EXOC6B: variants seen among roughly 807,000 people sequenced by gnomAD.
EXOC6B encodes the protein exocyst complex component 6B.
A neutral mutation model predicts 113.5 loss-of-function variants in EXOC6B; 54 were observed. The observed-to-expected ratio is 0.48, with a 90% CI of 0.38 to 0.60. The LOEUF (loss-of-function observed/expected upper bound fraction) is 0.60, where lower values mean the gene tolerates loss of function less well. Among genes scored for constraint, EXOC6B ranks in the 20% least tolerant of loss-of-function variants. EXOC6B has a pLI of 0.00. For synonymous variants in EXOC6B, 357 were observed against 339.0 expected, an observed-to-expected ratio of 1.05 and a Z score of -0.58; for missense variants, 797 against 977.5, an observed-to-expected ratio of 0.82 and a Z score of 2.46.
intron 6 of EXOC6B, among the ~76,000 whole-genome samples, chr2:72,629,855 G>A (rs565424507): frequency 1.2e-4 from 19 of 152,156 alleles, no homozygotes; most frequent in African/African-American, 4.6e-4. Context: ...CCCACAACAT[G>A]CCATCCCCAG....
At chr2:72,426,083 A>C (rs2105280594) in intron 18 of EXOC6B, among the ~76,000 whole-genome samples, 1 of 152,294 alleles carries the variant, frequency 6.6e-6, no homozygotes, top group South Asian at 2.1e-4. Flanking sequence ...TAACATTTCC[A>C]AGTAGTTTTT....
At chr2:72,448,885 A>T (rs566695046) in intron 18 of EXOC6B, among the ~76,000 whole-genome samples, 1 of 152,308 alleles carries the variant, frequency 6.6e-6, no homozygotes, top group Admixed American at 6.5e-5. Context: ...TCACTGTTGC[A>T]TCTGGGAAGA....
At chr2:72,524,455 A>G (rs917809472) in intron 8 of EXOC6B, among the ~76,000 whole-genome samples, 2 of 152,194 alleles carry the variant, frequency 1.3e-5, no homozygotes, top group African/African-American at 4.8e-5. Flanking sequence ...TTCAAGAGTC[A>G]TGATGGTATG....
chr2:72,395,891 AATAG>A (rs769161718), intron 18 of EXOC6B, among the ~76,000 whole-genome samples: 5 of 152,136 alleles, frequency 3.3e-5, no homozygotes, highest in Non-Finnish European at 5.9e-5. Context: ...CTCAATGAAT[AATAG>A]ATACCTTATT....
At chr2:72,775,385 T>C (rs907343140) in intron 1 of EXOC6B, among the ~76,000 whole-genome samples, 2 of 152,214 alleles carry the variant, frequency 1.3e-5, no homozygotes, top group African/African-American at 4.8e-5. Flanking sequence ...GAGCTTCTTA[T>C]GAATAACAAA....
rs4586652 is a variant in EXOC6B, at chr2:72,299,629, G to A, written c.2196+35318C>T. Among the ~76,000 whole-genome samples, 308 of 152,220 alleles carry A rather than the reference G, an allele frequency of 2.0e-3. 1 individual carries two copies. The highest frequency in any genetic ancestry group is 5.9e-3 in the Admixed American group (91 of 15,300). On this transcript the variant is annotated intron_variant, in intron 20 of 21. Transcript: ENST00000272427. ...AGGAGAAGAGGTGTTCTGGTTTTTG[G>A]AATATTCAGCCTTTTTGCGCTGGTT...
intron 19 of EXOC6B, among the ~76,000 whole-genome samples, chr2:72,359,499 G>A (rs1282787249): frequency 6.6e-6 from 1 of 151,940 alleles, no homozygotes; most frequent in Non-Finnish European, 1.5e-5. Flanking sequence ...CAGAACTATA[G>A]GAAATAAATT....
chr2:72,677,469 C>T (rs1475721378), intron 6 of EXOC6B, among the ~76,000 whole-genome samples: 1 of 152,100 alleles, frequency 6.6e-6, no homozygotes, highest in Non-Finnish European at 1.5e-5. Context: ...ATCCTTTCCT[C>T]CCCCTCCCCA....
intron 20 of EXOC6B, among the ~76,000 whole-genome samples, chr2:72,227,981 G>A (rs1228363040): frequency 6.6e-6 from 1 of 152,142 alleles, no homozygotes; most frequent in Non-Finnish European, 1.5e-5. Context: ...AAGATAAAAT[G>A]ATATGAAAGG....
rs1222437094 is a variant in EXOC6B at position 72,710,281 on chromosome 2, C to G, written c.669+7822G>C. The stretch of plus-strand genomic sequence containing the variant: ...ATTTAAGGAATAAATTATTTCTCTT[C>G]TCTCACCCCAACTCAATATCAGTAA... On this transcript the variant is annotated intron_variant, in intron 6 of 21. Transcript: ENST00000272427. Among the ~76,000 whole-genome samples, 3 of 152,064 alleles carry G rather than the reference C, an allele frequency of 2.0e-5. No homozygotes were observed. The East Asian group carries it at 5.8e-4, about 29-fold the overall frequency.
chr2:72,786,244 A>C (rs1368752021), intron 1 of EXOC6B, among the ~76,000 whole-genome samples: 11 of 152,250 alleles, frequency 7.2e-5, no homozygotes, highest in Admixed American at 7.2e-4. Flanking sequence ...AAGAAATACA[A>C]AGAAATTATA....
At chr2:72,251,745 T>C (rs1339938685) in intron 20 of EXOC6B, among the ~76,000 whole-genome samples, 1 of 152,206 alleles carries the variant, frequency 6.6e-6, no homozygotes, top group East Asian at 1.9e-4. Context: ...GGTTCTGCCC[T>C]TTTGGAACTT....
chr2:72,241,094 T>C (rs1221065931), intron 20 of EXOC6B, among the ~76,000 whole-genome samples: 2 of 152,124 alleles, frequency 1.3e-5, no homozygotes, highest in African/African-American at 2.4e-5. Context: ...AAAACAACTG[T>C]GATTAATATG....
chr2:72,314,988 G>A (rs1223721350), intron 20 of EXOC6B, among the ~76,000 whole-genome samples: 1 of 152,124 alleles, frequency 6.6e-6, no homozygotes, highest in Non-Finnish European at 1.5e-5. Context: ...AAGATGTAGA[G>A]TATACTACAA....
chr2:72,474,141 G>A (rs1019829744), intron 17 of EXOC6B, among the ~76,000 whole-genome samples: 14 of 151,774 alleles, frequency 9.2e-5, no homozygotes, highest in African/African-American at 3.4e-4. Context: ...CTGTTAGTCT[G>A]ATGATGATTC....
chr2:72,508,637 G>A (rs1700737688), intron 11 of EXOC6B, among the ~76,000 whole-genome samples: 1 of 152,004 alleles, frequency 6.6e-6, no homozygotes, highest in Admixed American at 6.6e-5. Flanking sequence ...AGTCGGGCAT[G>A]GTGGCAGGCA....
At chr2:72,268,763 G>A (rs1471324519) in intron 20 of EXOC6B, among the ~76,000 whole-genome samples, 3 of 151,888 alleles carry the variant, frequency 2.0e-5, no homozygotes, top group Non-Finnish European at 4.4e-5. Context: ...AAGGAGTGTG[G>A]CACCTCCCCA....
intron 8 of EXOC6B, among the ~76,000 whole-genome samples, chr2:72,551,241 A>G (rs889227268): frequency 2.0e-5 from 3 of 152,202 alleles, no homozygotes. Context: ...TCTGTCACCC[A>G]GGCTGCAGTG....
intron 18 of EXOC6B, among the ~76,000 whole-genome samples, chr2:72,449,981 T>C (rs1696816660): frequency 6.6e-6 from 1 of 152,188 alleles, no homozygotes; most frequent in East Asian, 1.9e-4. Flanking sequence ...GAACAACTTA[T>C]AACAGAAAGA....
Sources: allele counts gnomAD v4.1 joint callset (sites outside exome capture counted in the v4.1 genomes callset), GRCh38; gene constraint gnomAD v4.1.1; transcripts MANE v1.5; gene names NCBI Gene and HGNC (gene_info 2026-07-23, HGNC 2026-07-21).